Variants in FUBP3 observed in about 807,000 individuals in gnomAD.
FUBP3 encodes far upstream element-binding protein 3.
Under a neutral mutation model 85.6 loss-of-function variants are expected in FUBP3, and 28 were observed. The observed-to-expected ratio is 0.33, with a 90% CI of 0.24 to 0.45. FUBP3 has a LOEUF of 0.45. Ranked by LOEUF, FUBP3 falls within the 20% of genes least tolerant of loss-of-function variation. The pLI is 1.00. For missense variants in FUBP3, 583 were observed against 755.1 expected (o/e 0.77, Z 2.67); for synonymous variants, 271 against 271.4 (o/e 1.00, Z 0.01).
intron 12 of FUBP3, among the ~76,000 whole-genome samples, chr9:130,628,391 C>T (rs1472452915): frequency 6.6e-6 from 1 of 152,250 alleles, no homozygotes; most frequent in Non-Finnish European, 1.5e-5. Context: ...CAGGGGGCCA[C>T]TGGTGGGGCA....
rs762518172 is a variant in FUBP3, at chr9:130,623,647, T to C, written c.911T>C (p.Met304Thr). ...AGTCCAGAAAGAGCTGCCCAGGTCA[T>C]GGGCCCTCCGGATCGGTGTCAGCAT... ...GISPERAAQV[M>T]GPPDRCQHAA... The change falls in exon 11 of 19, where the codon ATG becomes ACG. Residue 304 changes from methionine to threonine, a missense_variant. By Grantham distance (81) the Met-to-Thr change is moderately conservative (BLOSUM62 -1). Around this residue, in one of 3 missense-constraint regions of FUBP3, gnomAD observed 404 missense variants for 516.8 expected, o/e 0.78. Coordinates refer to ENST00000319725, the MANE Select transcript of FUBP3 (RefSeq NM_003934.2). 2 of 1,614,050 alleles carry C rather than the reference T, an allele frequency of 1.2e-6. No homozygotes were observed. The highest frequency in any genetic ancestry group is 1.7e-6 in the Non-Finnish European group (2 of 1,179,922).
chr9:130,627,603 C>A (rs1830029082), intron 12 of FUBP3, among the ~76,000 whole-genome samples: 1 of 152,188 alleles, frequency 6.6e-6, no homozygotes, highest in Admixed American at 6.5e-5. Flanking sequence ...CTGAACCACT[C>A]AGAGTTGGTA....
chr9:130,603,710 C>T (rs947048310), intron 2 of FUBP3, among the ~76,000 whole-genome samples: 6 of 152,140 alleles, frequency 3.9e-5, no homozygotes, highest in African/African-American at 7.2e-5. Flanking sequence ...AAATATAACT[C>T]GAGCTCATGT....
intron 16 of FUBP3, among the ~76,000 whole-genome samples, chr9:130,633,293 G>A (rs73656030): frequency 0.21 from 31,680 of 152,178 alleles, 3,726 homozygotes; most frequent in African/African-American, 0.32. Flanking sequence ...ACACTCTGCA[G>A]TGAGCACCCA....
chr9:130,594,864 G>T (rs935604497), intron 1 of FUBP3, among the ~76,000 whole-genome samples: 2 of 137,420 alleles, frequency 1.5e-5, no homozygotes, highest in Admixed American at 7.8e-5. Flanking sequence ...TCAATTGTTG[G>T]CTTGCTTTTT....
chr9:130,617,269 C>G (rs1034953128), intron 7 of FUBP3, among the ~76,000 whole-genome samples: 1 of 152,164 alleles, frequency 6.6e-6, no homozygotes, highest in South Asian at 2.1e-4. Flanking sequence ...TTTGCAGTTG[C>G]GAGTAAAGGA....
chr9:130,582,738 T>TA (rs1419675241), intron 1 of FUBP3, among the ~76,000 whole-genome samples: 2 of 152,242 alleles, frequency 1.3e-5, no homozygotes, highest in Non-Finnish European at 2.9e-5. Flanking sequence ...TCCATTCTCC[T>TA]AAAAATATTT....
chr9:130,632,370 AG>A, intron 16 of FUBP3, 92 bp downstream of exon 16: 1 of 968,228 alleles, frequency 1.0e-6, no homozygotes, highest in South Asian at 1.4e-5. Context: ...CAACTCAGCC[AG>A]CAGGCCCAGG....
At chr9:130,631,045 C>A in intron 13 of FUBP3, 1 of 828,218 alleles carries the variant, frequency 1.2e-6, no homozygotes, top group South Asian at 5.2e-5. Context: ...AGCCGTTCCC[C>A]TGCGGGCTTA....
intron 1 of FUBP3, among the ~76,000 whole-genome samples, chr9:130,594,599 T>C (rs1830773439): frequency 6.6e-6 from 1 of 151,668 alleles, no homozygotes; most frequent in Non-Finnish European, 1.5e-5. Context: ...AAATAATAAA[T>C]TTTAAAAAAT....
chr9:130,623,582 C>T, intron 10 of FUBP3, 29 bp from the exon 11 acceptor site: 1 of 1,437,626 alleles, frequency 7.0e-7, no homozygotes, highest in Admixed American at 1.7e-5. Context: ...GGGCTTTTTT[C>T]TAATCCTGTC....
chr9:130,609,379 G>A (rs563744084), intron 2 of FUBP3, among the ~76,000 whole-genome samples: 12 of 151,044 alleles, frequency 7.9e-5, no homozygotes, highest in Non-Finnish European at 1.6e-4. Flanking sequence ...TGGTGGGTCC[G>A]TGACGAGGCC....
intron 1 of FUBP3, among the ~76,000 whole-genome samples, chr9:130,587,930 A>T (rs1432124512): frequency 2.0e-5 from 3 of 152,234 alleles, no homozygotes; most frequent in Non-Finnish European, 4.4e-5. Flanking sequence ...GCCTAAGCAT[A>T]GGAGAGATGA....
At chr9:130,608,824 G>C (rs868676708) in intron 2 of FUBP3, among the ~76,000 whole-genome samples, 7 of 152,108 alleles carry the variant, frequency 4.6e-5, no homozygotes, top group Non-Finnish European at 8.8e-5. Context: ...AAATGTCACG[G>C]TCTGCTTTTT....
chr9:130,634,849 G>C, intron 17 of FUBP3, 111 bp downstream of exon 17: 1 of 811,196 alleles, frequency 1.2e-6, no homozygotes, highest in Non-Finnish European at 2.0e-6. Flanking sequence ...TCCCTGTGTG[G>C]CTTGATCTCA....
At position 130,616,389 on chromosome 9, in the gene FUBP3, C is replaced by T. The variant is rs1002967091; in HGVS notation, c.439C>T (p.Arg147Cys). ...AKRLLGQIVD[R>C]CRNGPGFHND... The stretch of plus-strand genomic sequence containing the variant: ...ACGGCTCCTGGGACAGATTGTGGAC[C>T]GCTGTCGAAATGGACCTGGCTTTCA... The change falls in exon 7 of 19, where the codon CGC becomes TGC. Residue 147 changes from arginine to cysteine, a missense_variant. Arg to Cys is a radical substitution (Grantham distance 180). Coordinates refer to ENST00000319725, the MANE Select transcript of FUBP3 (RefSeq NM_003934.2). This position sits in a 1 kb window ranked among gnomAD's most constrained non-coding sequence, Gnocchi z 4.7. The T allele has an allele frequency of 2.5e-6, 4 of 1,613,994 alleles. No homozygotes were observed. Among genetic ancestry groups the T allele is most frequent in the Admixed American group, 1.7e-5 (1 of 60,000 alleles).
At chr9:130,615,353 C>G (rs947193204) in intron 6 of FUBP3, among the ~76,000 whole-genome samples, 1 of 152,346 alleles carries the variant, frequency 6.6e-6, no homozygotes, top group South Asian at 2.1e-4. Flanking sequence ...TCTCTTCTTT[C>G]TTCCTACTCT....
At position 130,631,921 on chromosome 9, in the gene FUBP3, G is replaced by T. The variant is rs1830228129; in HGVS notation, c.1353-21G>T. The T allele has an allele frequency of 1.3e-6, 2 of 1,585,378 alleles. 1 individual carries two copies. Among genetic ancestry groups the T allele is most frequent in the South Asian group, 2.2e-5 (2 of 90,504 alleles). The stretch of plus-strand genomic sequence containing the variant: ...TCTGTTGTGAGGCGCTCAGTCTGTT[G>T]TTTCTTTTACCTTTTCCCAGTACCT... On this transcript the variant is annotated intron_variant, in intron 14 of 18. Coordinates refer to ENST00000319725, the MANE Select transcript of FUBP3 (RefSeq NM_003934.2).
chr9:130,636,267 T>C (rs1301935925), intron 18 of FUBP3, 141 bp downstream of exon 18: 7 of 858,448 alleles, frequency 8.2e-6, no homozygotes, highest in Non-Finnish European at 7.6e-6. Flanking sequence ...GCGAGGCTGC[T>C]TCTGCTGAGA....
Sources: gnomAD v4.1 joint callset for allele counts (sites outside exome capture counted in the v4.1 genomes callset) on GRCh38, gnomAD v4.1.1 for gene constraint, gnomAD v4.1.1 regional missense constraint, Gnocchi (gnomAD v3.1) non-coding constraint, MANE v1.5 for transcripts, NCBI Gene and HGNC (gene_info 2026-07-23, HGNC 2026-07-21) for gene names.